Variants in AP3B2 observed in about 807,000 individuals in gnomAD.
AP3B2 encodes AP-3 complex subunit beta-2.
In AP3B2, 50 loss-of-function variants were observed where a neutral mutation model predicts 126.9. That is an observed-to-expected ratio of 0.39 (90% confidence interval 0.31 to 0.50). The LOEUF (loss-of-function observed/expected upper bound fraction) is 0.50. Among genes scored for constraint, AP3B2 ranks in the 20% least tolerant of loss-of-function variants. The pLI is 0.79. For missense variants in AP3B2, 1,177 were observed against 1,426.4 expected, an observed-to-expected ratio of 0.83 and a Z score of 2.82; for synonymous variants, 541 against 565.0, an observed-to-expected ratio of 0.96 and a Z score of 0.60.
rs768065050 is a variant in AP3B2 at position 82,659,652 on chromosome 15, G to T, written c.3214C>A (p.Pro1072Thr). ...ACAGTCAGCTGGGCAGCTCCAGCTG[G>T]CCGGGCATCCAGGGTCAGCAGAACG... ...SLVLLTLDAR[P>T]AGAAQLTVNS... The change falls in exon 27 of 27, where the codon CCA becomes ACA. Residue 1072 changes from proline (P) to threonine (T), a missense_variant. This residue lies in a region of AP3B2 where 587 missense variants were observed against 571.3 expected (regional missense o/e 1.03). Transcript: ENST00000535359. 3 of 1,613,816 alleles carry T rather than the reference G, an allele frequency of 1.9e-6. No individual in the cohort carries two copies. In the African/African-American group the frequency reaches 4.0e-5, roughly 22 times the overall value.
At chr15:82,699,655 T>C (rs1883654242) in intron 1 of AP3B2, 2 of 399,832 alleles carry the variant, frequency 5.0e-6, no homozygotes, top group Middle Eastern at 1.3e-3. Context: ...GCTCTGGCTC[T>C]GGCTGGCCTC....
intron 14 of AP3B2, among the ~76,000 whole-genome samples, chr15:82,669,354 A>G (rs554086475): frequency 6.6e-6 from 1 of 152,364 alleles, no homozygotes; most frequent in African/African-American, 2.4e-5. Context: ...AAACTATTAG[A>G]ACTAATAAAT....
At chr15:82,668,443 A>G (rs544797088) in intron 14 of AP3B2, among the ~76,000 whole-genome samples, 112 of 152,310 alleles carry the variant, frequency 7.4e-4, no homozygotes, top group African/African-American at 2.5e-3. Context: ...AACATAGTCA[A>G]TTATCAAGAG....
In AP3B2 at chr15:82,689,415, T is replaced by C. The variant is rs2048486165; in HGVS notation, c.152A>G (p.Asp51Gly). ...CTTCATGGCCTCCAGCTTGAGAGAA[T>C]CCTTGTTGGTGTCCAGCATCTCCTT... ...DLKEMLDTNKDSLKLEAMKRI... is the reference protein window; with the variant it reads ...DLKEMLDTNKGSLKLEAMKRI... Residue 51 changes from aspartate (D) to glycine (G), a missense_variant, in exon 2 of 27, where the codon GAT becomes GGT. Physicochemically the swap from Asp to Gly is moderately conservative, Grantham distance 94 (BLOSUM62 -1). Coordinates refer to ENST00000535359, the MANE Select transcript of AP3B2 (RefSeq NM_001278512.2). 1 of 1,613,882 alleles carries C rather than the reference T, an allele frequency of 6.2e-7. No homozygotes were observed. Among genetic ancestry groups the C allele is most frequent in the Non-Finnish European group, 8.5e-7 (1 of 1,179,876 alleles).
chr15:82,685,443 C>T (rs1028934613), intron 4 of AP3B2: 1 of 152,134 alleles, frequency 6.6e-6, no homozygotes, highest in Non-Finnish European at 1.5e-5. Flanking sequence ...CCCTGACTTT[C>T]TGAAATGGAA....
Position 82,659,857 on chromosome 15 carries a change from G to T in AP3B2, c.3143C>A (p.Ser1048Tyr), listed in dbSNP as rs147455569. 1.8e-4 allele frequency: 297 copies of T among 1,613,956 alleles called. No individual in the cohort carries two copies. In the African/African-American group the frequency reaches 3.5e-3, roughly 19 times the overall value. Residue 1048 changes from serine to tyrosine, a missense_variant, in exon 26 of 27, where the codon TCT becomes TAT. Coordinates refer to ENST00000535359, the MANE Select transcript of AP3B2 (RefSeq NM_001278512.2). Reference sequence around the variant, plus strand: ...GGTGGCCTAGTACCTGTACTCATCAGATGTCCCACAAGGAACACGACCCAG... The same window carrying T: ...GGTGGCCTAGTACCTGTACTCATCATATGTCCCACAAGGAACACGACCCAG... The part of the protein sequence containing the change: ...ANLGRVPCGT[S>Y]DEYRFAGRTL...
At chr15:82,679,636 A>T in intron 10 of AP3B2, 93 bp downstream of exon 10, 1 of 1,169,918 alleles carries the variant, frequency 8.5e-7, no homozygotes, top group Non-Finnish European at 1.3e-6. Flanking sequence ...CCCCAGGAAT[A>T]GGCAGGCACC....
chr15:82,689,764 C>T (rs1344460191), intron 1 of AP3B2: 1 of 325,738 alleles, frequency 3.1e-6, no homozygotes, highest in South Asian at 3.6e-5. Context: ...CAATCCTACT[C>T]TAATAGAGTG....
At position 82,661,887 on chromosome 15, in the gene AP3B2, G is replaced by A; in HGVS notation, c.2954C>T (p.Pro985Leu). 6.2e-7 allele frequency: 1 copy of A among 1,613,914 alleles called. No individual in the cohort carries two copies. Among genetic ancestry groups the A allele is most frequent in the Non-Finnish European group, 8.5e-7 (1 of 1,179,862 alleles). Residue 985 changes from proline (P) to leucine (L), a missense_variant, in exon 25 of 27, where the codon CCA (proline) becomes CTA (leucine). Pro to Leu is a moderately conservative substitution (Grantham distance 98). Coordinates refer to ENST00000535359, the MANE Select transcript of AP3B2 (RefSeq NM_001278512.2). ...AGGGGCCATCAGCTCCCCAACAGGTGGCTGAATGGAGACGTAGAACTGTCG... is the reference window on the plus strand; with the variant it reads ...AGGGGCCATCAGCTCCCCAACAGGTAGCTGAATGGAGACGTAGAACTGTCG... ...QTRQFYVSIQ[P>L]PVGELMAPVF...
At position 82,663,957 on chromosome 15, in the gene AP3B2, A is replaced by T. The variant is rs1316341475; in HGVS notation, c.2280T>A (p.Asp760Glu). 1 of 1,605,130 alleles carries T rather than the reference A, an allele frequency of 6.2e-7. No homozygotes were observed. Among genetic ancestry groups the T allele is most frequent in the Admixed American group, 1.7e-5 (1 of 59,966 alleles). ...RGSESEQSEE[D>E]GKRKTKKKVP... is the part of the protein sequence containing the mutation. Reference sequence around the variant, plus strand: ...CCTTCTTCTTTGTCTTCCTCTTACCATCCTCCTCACTCTGTTCACTGAAGG... The same window carrying T: ...CCTTCTTCTTTGTCTTCCTCTTACCTTCCTCCTCACTCTGTTCACTGAAGG... Residue 760 changes from aspartate (D) to glutamate (E), a missense_variant, in exon 20 of 27, where the codon GAT becomes GAA. Around this residue, in one of 5 missense-constraint regions of AP3B2, gnomAD observed 587 missense variants for 571.3 expected, o/e 1.03. Transcript: ENST00000535359.
chr15:82,668,060 C>T (rs1423730176), intron 14 of AP3B2, among the ~76,000 whole-genome samples: 3 of 152,206 alleles, frequency 2.0e-5, no homozygotes, highest in Admixed American at 6.5e-5. Flanking sequence ...TAGCCTTGGA[C>T]ATGGTTAACC....
chr15:82,662,323 AG>A, intron 23 of AP3B2, 71 bp from the exon 24 acceptor site: 1 of 1,188,396 alleles, frequency 8.4e-7, no homozygotes, highest in Non-Finnish European at 1.2e-6. Flanking sequence ...AACCCAGCCT[AG>A]CCCTACTCTC....
intron 1 of AP3B2, among the ~76,000 whole-genome samples, chr15:82,693,251 CTTTT>C (rs34952641): frequency 3.4e-5 from 4 of 118,534 alleles, no homozygotes; most frequent in Non-Finnish European, 6.9e-5. Context: ...CTTTGCAGCA[CTTTT>C]TTTTTTTTTA....
chr15:82,702,927 A>T (rs2048741728), intron 1 of AP3B2, among the ~76,000 whole-genome samples: 1 of 152,056 alleles, frequency 6.6e-6, no homozygotes, highest in South Asian at 2.1e-4. Context: ...AAATCAGGTA[A>T]GCGGCCTCTT....
chr15:82,675,612 G>T (rs1378882658), intron 14 of AP3B2, among the ~76,000 whole-genome samples: 2 of 152,162 alleles, frequency 1.3e-5, no homozygotes, highest in Non-Finnish European at 2.9e-5. Context: ...ACTATTCTAG[G>T]CTTTGTGGGC....
intron 1 of AP3B2, chr15:82,691,785 G>A (rs754771857): frequency 1.2e-4 from 188 of 1,549,922 alleles, no homozygotes; most frequent in Non-Finnish European, 1.6e-4. Context: ...GGAGAGTCAC[G>A]GCCCCTTGAC....
Position 82,664,978 on chromosome 15 carries a change from C to T in AP3B2, c.2029-35G>A. On this transcript the variant is annotated intron_variant, in intron 17 of 26. Coordinates refer to ENST00000535359, the MANE Select transcript of AP3B2 (RefSeq NM_001278512.2). This position sits in a 1 kb window ranked among gnomAD's most constrained non-coding sequence, Gnocchi z 4.5. ...GGGGTAGGGTGCAGGGTCATTTCAT[C>T]ATGGTTGGGGAGAAGGCAGGCAGGC... is the stretch of plus-strand genomic sequence containing the variant. 1 of 1,507,184 alleles carries T rather than the reference C, an allele frequency of 6.6e-7. No individual in the cohort carries two copies. Among genetic ancestry groups the T allele is most frequent in the Non-Finnish European group, 9.1e-7 (1 of 1,096,946 alleles). 93.4% of individuals were successfully genotyped at this position (1,507,184 alleles called of 1,614,324 possible).
chr15:82,693,857 T>A (rs913485512), intron 1 of AP3B2, among the ~76,000 whole-genome samples: 1 of 151,616 alleles, frequency 6.6e-6, no homozygotes, highest in African/African-American at 2.4e-5. Flanking sequence ...TGCGCCACCA[T>A]GCCCAGCTAA....
rs1004808672 is a variant in AP3B2 at position 82,664,287 on chromosome 15, C to T, written c.2261+80G>A. Reference sequence around the variant, plus strand: ...GAGGGGCTCAGGGGCTCTTAGGAGACTGGCTAAAGCTCAATGCTAGCCCTC... The same window carrying T: ...GAGGGGCTCAGGGGCTCTTAGGAGATTGGCTAAAGCTCAATGCTAGCCCTC... On this transcript the variant is annotated intron_variant, in intron 19 of 26. Transcript: ENST00000535359. This position sits in a 1 kb window ranked among gnomAD's most constrained non-coding sequence, Gnocchi z 4.5. 2 of 1,602,966 alleles carry T rather than the reference C, an allele frequency of 1.2e-6. No homozygotes were observed. The highest frequency in any genetic ancestry group is 2.2e-5 in the East Asian group (1 of 44,812).
Sources: gnomAD v4.1 joint callset for allele counts (sites outside exome capture counted in the v4.1 genomes callset) on GRCh38, gnomAD v4.1.1 for gene constraint, gnomAD v4.1.1 regional missense constraint, Gnocchi (gnomAD v3.1) non-coding constraint, MANE v1.5 for transcripts, NCBI Gene and HGNC (gene_info 2026-07-23, HGNC 2026-07-21) for gene names.